Variants in CDKAL1 observed in about 807,000 individuals in gnomAD.
CDKAL1 encodes threonylcarbamoyladenosine tRNA methylthiotransferase.
A neutral mutation model predicts 68.2 loss-of-function variants in CDKAL1; 32 were observed. That is an observed-to-expected ratio of 0.47 (90% CI 0.35 to 0.63). The LOEUF is 0.63. Ranked by LOEUF, CDKAL1 falls within the 30% of genes least tolerant of loss-of-function variation. The pLI, the probability that CDKAL1 is intolerant of heterozygous loss-of-function variation, is 0.00. For synonymous variants in CDKAL1, 234 were observed against 244.3 expected (o/e 0.96, Z 0.39); for missense variants, 606 against 696.7 (o/e 0.87, Z 1.47).
At chr6:20,769,545 C>T (rs1480414299) in intron 7 of CDKAL1, among the ~76,000 whole-genome samples, 2 of 152,064 alleles carry the variant, frequency 1.3e-5, no homozygotes, top group Non-Finnish European at 2.9e-5. Flanking sequence ...GTGTGAGCCA[C>T]CACACCGGCC....
At position 20,694,192 on chromosome 6, in the gene CDKAL1, A is replaced by ACAAG. The variant is rs1554181965; in HGVS notation, c.371+44818_371+44819insGCAA. Among the ~76,000 whole-genome samples the ACAAG allele has an allele frequency of 6.6e-4, 99 of 151,098 alleles. No individual in the cohort carries two copies. The Middle Eastern group carries it at 0.01, about 16-fold the overall frequency. On this transcript the variant is annotated intron_variant, in intron 5 of 15. Coordinates refer to ENST00000274695, the MANE Select transcript of CDKAL1 (RefSeq NM_017774.3). Reference sequence around the variant, plus strand: ...TCTTTATAAACAAACAAACAAACAAACAAACAAGCAAACAAACAAACGTAT... The same window carrying ACAAG: ...TCTTTATAAACAAACAAACAAACAAACAAGCAAACAAGCAAACAAACAAACGTAT...
intron 11 of CDKAL1, among the ~76,000 whole-genome samples, chr6:21,011,286 A>G (rs760479461): frequency 9.9e-5 from 15 of 151,860 alleles, no homozygotes; most frequent in Admixed American, 2.0e-4. Flanking sequence ...CGGGAGGCTG[A>G]TGCAGGAGAA....
At chr6:20,903,216 C>T (rs760266637) in intron 9 of CDKAL1, among the ~76,000 whole-genome samples, 2 of 152,170 alleles carry the variant, frequency 1.3e-5, no homozygotes, top group Admixed American at 6.5e-5. Context: ...CAGACACACA[C>T]GAACAACTTT....
At chr6:20,890,006 G>T (rs983498161) in intron 9 of CDKAL1, among the ~76,000 whole-genome samples, 1 of 151,930 alleles carries the variant, frequency 6.6e-6, no homozygotes, top group African/African-American at 2.4e-5. Context: ...CTCCTGCCTC[G>T]GCCCCCCAAA....
At chr6:20,782,856 A>G (rs1167763958) in intron 8 of CDKAL1, among the ~76,000 whole-genome samples, 1 of 152,218 alleles carries the variant, frequency 6.6e-6, no homozygotes, top group Non-Finnish European at 1.5e-5. Flanking sequence ...TCATCATGGT[A>G]CAGATTGCCT....
Position 21,180,344 on chromosome 6 carries a change from CTTTTTTT to C in CDKAL1, c.1300-17668_1300-17662del, listed in dbSNP as rs34495587. ...CAGTGACTCTGAGACCTTTAAGTTTCTTTTTTTTTTTTTTTGACCTTTAAGTTTCATA... is the reference window on the plus strand; with the variant it reads ...CAGTGACTCTGAGACCTTTAAGTTTCTTTTTTTTGACCTTTAAGTTTCATA... On this transcript the variant is annotated intron_variant, in intron 13 of 15. Transcript: ENST00000274695. Among the ~76,000 whole-genome samples, 56 of 140,836 alleles carry C rather than the reference CTTTTTTT, an allele frequency of 4.0e-4. No homozygotes were observed. The East Asian group carries it at 0.011, about 27-fold the overall frequency. The allele number at this position is 140,836 out of a possible 152,430, so 92.4% of individuals were successfully genotyped here.
chr6:21,024,279 T>G (rs1198091686), intron 11 of CDKAL1, among the ~76,000 whole-genome samples: 1 of 152,150 alleles, frequency 6.6e-6, no homozygotes, highest in Non-Finnish European at 1.5e-5. Context: ...TTAATAGAAT[T>G]TATTTATTTA....
chr6:20,631,879 C>T (rs9460537), intron 4 of CDKAL1, among the ~76,000 whole-genome samples: 28,886 of 152,108 alleles, frequency 0.19, 2,864 homozygotes, highest in East Asian at 0.37. Context: ...TCTGAAAGGA[C>T]CTGTTCTGTA....
intron 8 of CDKAL1, among the ~76,000 whole-genome samples, chr6:20,800,150 T>TTTTTCTTTTC (rs55657338): frequency 1.9e-4 from 29 of 151,648 alleles, no homozygotes; most frequent in South Asian, 8.4e-4. Context: ...CTCAGCAGCC[T>TTTTTCTTTTC]TTTTCTTTTC....
At chr6:21,122,715 C>G (rs1314340748) in intron 13 of CDKAL1, among the ~76,000 whole-genome samples, 1 of 151,806 alleles carries the variant, frequency 6.6e-6, no homozygotes, top group African/African-American at 2.4e-5. Context: ...TAGCTCACTG[C>G]AGCCTCGAAC....
chr6:21,001,864 A>G (rs1767443223), intron 11 of CDKAL1, among the ~76,000 whole-genome samples: 1 of 152,246 alleles, frequency 6.6e-6, no homozygotes, highest in Non-Finnish European at 1.5e-5. Context: ...GCAGTAGCCA[A>G]TAAAAACTTG....
At chr6:20,613,489 C>T (rs1041201148) in intron 4 of CDKAL1, among the ~76,000 whole-genome samples, 11 of 150,228 alleles carry the variant, frequency 7.3e-5, no homozygotes, top group East Asian at 1.9e-4. Flanking sequence ...TGGCCAGGCT[C>T]GTATCAAATT....
At chr6:20,709,479 C>A (rs113757048) in intron 5 of CDKAL1, among the ~76,000 whole-genome samples, 1 of 152,246 alleles carries the variant, frequency 6.6e-6, no homozygotes. Context: ...CTGAACACTT[C>A]CACTTCCAAG....
chr6:21,218,554 A>G (rs560857728), intron 15 of CDKAL1, among the ~76,000 whole-genome samples: 1 of 152,302 alleles, frequency 6.6e-6, no homozygotes, highest in African/African-American at 2.4e-5. Context: ...ATCTGCTTCT[A>G]AGCTCACTTT....
chr6:21,052,622 C>G (rs903177119), intron 11 of CDKAL1, among the ~76,000 whole-genome samples: 3 of 149,648 alleles, frequency 2.0e-5, no homozygotes, highest in African/African-American at 7.4e-5. Flanking sequence ...ATCCTCTTTC[C>G]TTGGCCTCCG....
At chr6:21,136,091 A>T (rs1775579716) in intron 13 of CDKAL1, among the ~76,000 whole-genome samples, 4 of 152,224 alleles carry the variant, frequency 2.6e-5, no homozygotes, top group Admixed American at 2.6e-4. Flanking sequence ...TCCAAAGGAC[A>T]ACCAGACATG....
chr6:20,946,518 A>G (rs1489046271), intron 9 of CDKAL1, among the ~76,000 whole-genome samples: 1 of 152,044 alleles, frequency 6.6e-6, no homozygotes, highest in Non-Finnish European at 1.5e-5. Context: ...GGGTGAGCCA[A>G]TACGGCTGGC....
intron 10 of CDKAL1, among the ~76,000 whole-genome samples, chr6:20,999,200 C>T (rs1767286893): frequency 1.3e-5 from 2 of 152,114 alleles, no homozygotes; most frequent in African/African-American, 2.4e-5. Flanking sequence ...TCTGAAAGGC[C>T]GTATGTGCCT....
rs756235406 is a variant in CDKAL1 at position 20,780,664 on chromosome 6, CTTTTTCTTTTTTTT to C, written c.518-475_518-462del. Among the ~76,000 whole-genome samples the C allele has an allele frequency of 5.1e-4, 71 of 138,210 alleles. 2 individuals are homozygous for C. The highest frequency in any genetic ancestry group is 6.4e-4 in the Non-Finnish European group (41 of 64,508). The allele number at this position is 138,210 out of a possible 152,430, so 90.7% of individuals were successfully genotyped here. A position where few individuals can be genotyped will look rare whatever the true frequency, so the allele number is the denominator to read the frequency against. On this transcript the variant is annotated intron_variant, in intron 7 of 15. Coordinates refer to ENST00000274695, the MANE Select transcript of CDKAL1 (RefSeq NM_017774.3). The stretch of plus-strand genomic sequence containing the variant: ...CTGTTTTTCTTGTTTTTTTTCATTT[CTTTTTCTTTTTTTT>C]TTTTTTTTTTTTTGAGATGGAGTCT...
Sources: gnomAD v4.1 joint callset for allele counts (sites outside exome capture counted in the v4.1 genomes callset) on GRCh38, gnomAD v4.1.1 for gene constraint, MANE v1.5 for transcripts, NCBI Gene and HGNC (gene_info 2026-07-23, HGNC 2026-07-21) for gene names.